The following VSTM4 variants were observed in gnomAD, a reference collection of about 807,000 sequenced individuals.
VSTM4 encodes V-set and transmembrane domain-containing protein 4.
In VSTM4, 20 loss-of-function variants were observed where a neutral mutation model predicts 36.4. That is an observed-to-expected ratio of 0.55 (90% CI 0.39 to 0.80). The LOEUF (loss-of-function observed/expected upper bound fraction) is 0.80. Among genes scored for constraint, VSTM4 ranks in the 30% least tolerant of loss-of-function variants. VSTM4 has a pLI of 0.00. For missense variants in VSTM4, 392 were observed against 404.5 expected (o/e 0.97, Z 0.26); for synonymous variants, 182 against 173.9 (o/e 1.05, Z -0.37).
chr10:49,061,693 A>G (rs1843880801), intron 5 of VSTM4, among the ~76,000 whole-genome samples: 1 of 152,140 alleles, frequency 6.6e-6, no homozygotes. Context: ...CAGTACATCC[A>G]CACCTGATTT....
At chr10:49,060,467 T>C (rs755841175) in intron 5 of VSTM4, among the ~76,000 whole-genome samples, 2 of 152,230 alleles carry the variant, frequency 1.3e-5, no homozygotes, top group Non-Finnish European at 2.9e-5. Flanking sequence ...ACTGAACATC[T>C]TTCATGTACT....
chr10:49,030,697 C>T (rs1037375944), intron 7 of VSTM4, among the ~76,000 whole-genome samples: 2 of 152,180 alleles, frequency 1.3e-5, no homozygotes, highest in African/African-American at 2.4e-5. Flanking sequence ...CAGCAAAGTG[C>T]GTCCTCAGAA....
chr10:49,034,058 T>C (rs975021813), intron 7 of VSTM4, among the ~76,000 whole-genome samples: 3 of 151,564 alleles, frequency 2.0e-5, no homozygotes, highest in African/African-American at 7.3e-5. Context: ...ATCATCAATA[T>C]TACCATTATT....
At chr10:49,085,117 T>C (rs979575436) in intron 3 of VSTM4, among the ~76,000 whole-genome samples, 6 of 152,368 alleles carry the variant, frequency 3.9e-5, no homozygotes, top group African/African-American at 1.2e-4. Context: ...ACCCCGGATT[T>C]CTTGGGCACC....
In VSTM4 at chr10:49,019,472, A is replaced by G; in HGVS notation, c.*178T>C. The G allele has an allele frequency of 1.3e-6, 1 of 783,682 alleles. No homozygotes were observed. Among genetic ancestry groups the G allele is most frequent in the Non-Finnish European group, 1.8e-6 (1 of 564,968 alleles). 48.5% of individuals were successfully genotyped at this position (783,682 alleles called of 1,614,324 possible). A position where few individuals can be genotyped will look rare whatever the true frequency, so the allele number is the denominator to read the frequency against. ...AGATCTGTCAAGAGCTGTGGCCCCG[A>G]TTCTTTTGGGGAGAGCAGGCTTGTA... On this transcript the variant is annotated 3_prime_UTR_variant, in exon 8 of 8. Coordinates refer to ENST00000332853, the MANE Select transcript of VSTM4 (RefSeq NM_001031746.5).
intron 2 of VSTM4, among the ~76,000 whole-genome samples, chr10:49,095,865 T>C (rs1183968722): frequency 1.3e-5 from 2 of 152,208 alleles, no homozygotes; most frequent in African/African-American, 4.8e-5. Context: ...AACATCTCCA[T>C]CTGTACCTCT....
chr10:49,045,880 C>G (rs1300521040), intron 7 of VSTM4, among the ~76,000 whole-genome samples: 1 of 152,164 alleles, frequency 6.6e-6, no homozygotes, highest in Non-Finnish European at 1.5e-5. Flanking sequence ...GGCTCTGTGT[C>G]TCCACCCAAA....
chr10:49,039,851 C>T (rs1213161154), intron 7 of VSTM4, among the ~76,000 whole-genome samples: 2 of 152,168 alleles, frequency 1.3e-5, no homozygotes, highest in African/African-American at 2.4e-5. Flanking sequence ...AGAAAAGTTC[C>T]GCTACTTGGC....
chr10:49,091,017 G>A (rs566432213), intron 2 of VSTM4, among the ~76,000 whole-genome samples: 2 of 152,104 alleles, frequency 1.3e-5, no homozygotes, highest in African/African-American at 2.4e-5. Context: ...GGGGAAAGGC[G>A]AACAGGCAGG....
chr10:49,077,712 G>GA (rs148077775), intron 3 of VSTM4, among the ~76,000 whole-genome samples: 5,597 of 152,214 alleles, frequency 0.037, 223 homozygotes, highest in Non-Finnish European at 0.044. Flanking sequence ...GAAGACTTCA[G>GA]AAAAAACCCA....
chr10:49,077,907 C>T (rs1844208792), intron 3 of VSTM4, among the ~76,000 whole-genome samples: 1 of 151,538 alleles, frequency 6.6e-6, no homozygotes, highest in African/African-American at 2.4e-5. Context: ...ATTTGTAAAC[C>T]ACATATCCAA....
chr10:49,104,704 G>A (rs1844732697), intron 2 of VSTM4, among the ~76,000 whole-genome samples: 1 of 152,220 alleles, frequency 6.6e-6, no homozygotes, highest in Non-Finnish European at 1.5e-5. Flanking sequence ...CGCTGAGAGG[G>A]TAGAACCACT....
chr10:49,095,846 C>G (rs1844562563), intron 2 of VSTM4, among the ~76,000 whole-genome samples: 1 of 152,212 alleles, frequency 6.6e-6, no homozygotes, highest in Non-Finnish European at 1.5e-5. Context: ...CCCAGGAGGG[C>G]AGGCATCAAA....
chr10:49,025,490 C>T (rs1405928184), intron 7 of VSTM4, among the ~76,000 whole-genome samples: 1 of 152,146 alleles, frequency 6.6e-6, no homozygotes, highest in Non-Finnish European at 1.5e-5. Flanking sequence ...GCACCCTGCC[C>T]CCACACACAC....
intron 2 of VSTM4, among the ~76,000 whole-genome samples, chr10:49,099,774 A>C (rs1355028604): frequency 6.6e-6 from 1 of 152,234 alleles, no homozygotes. Flanking sequence ...TGAATAAGCC[A>C]GGCATGGCTC....
At chr10:49,053,495 A>C (rs1165696974) in intron 5 of VSTM4, among the ~76,000 whole-genome samples, 3 of 152,226 alleles carry the variant, frequency 2.0e-5, no homozygotes, top group Non-Finnish European at 4.4e-5. Flanking sequence ...GCTTCCACCC[A>C]CCAATCTGTA....
At chr10:49,083,093 C>G (rs1844309183) in intron 3 of VSTM4, among the ~76,000 whole-genome samples, 1 of 152,264 alleles carries the variant, frequency 6.6e-6, no homozygotes, top group African/African-American at 2.4e-5. Flanking sequence ...AGGAACCCCG[C>G]TCTCCCCTGC....
intron 7 of VSTM4, among the ~76,000 whole-genome samples, chr10:49,035,699 G>A (rs1280782228): frequency 7.1e-6 from 1 of 140,960 alleles, no homozygotes; most frequent in Non-Finnish European, 1.5e-5. Flanking sequence ...AAAGTTAGAT[G>A]TGGTGGCACA....
intron 4 of VSTM4, among the ~76,000 whole-genome samples, chr10:49,076,003 G>A (rs1336253002): frequency 1.3e-5 from 2 of 152,156 alleles, no homozygotes; most frequent in South Asian, 2.1e-4. Context: ...TGCAGCTAAC[G>A]CATGGTGCAT....
Sources: gnomAD v4.1 joint callset for allele counts (sites outside exome capture counted in the v4.1 genomes callset) on GRCh38, gnomAD v4.1.1 for gene constraint, MANE v1.5 for transcripts, NCBI Gene and HGNC (gene_info 2026-07-23, HGNC 2026-07-21) for gene names.